The following SIPA1L1 variants were observed in gnomAD, a reference collection of about 807,000 sequenced individuals.
The protein encoded by SIPA1L1 is signal-induced proliferation-associated 1-like protein 1.
A neutral mutation model predicts 162.7 loss-of-function variants in SIPA1L1; 26 were observed. That is an observed-to-expected ratio of 0.16 (90% CI 0.12 to 0.22). The LOEUF (loss-of-function observed/expected upper bound fraction) is 0.22. SIPA1L1 is among the 10% of genes least tolerant of loss of function. The pLI, the probability that SIPA1L1 is intolerant of heterozygous loss-of-function variation, is 1.00. For missense variants in SIPA1L1, 1,874 were observed against 2,241.0 expected, an observed-to-expected ratio of 0.84 and a Z score of 3.31; for synonymous variants, 829 against 837.4, an observed-to-expected ratio of 0.99 and a Z score of 0.17.
chr14:71,651,918 A>G (rs1413169001), intron 8 of SIPA1L1, among the ~76,000 whole-genome samples: 1 of 152,216 alleles, frequency 6.6e-6, no homozygotes, highest in African/African-American at 2.4e-5. Context: ...ATGAGCCTGG[A>G]TTACCAAACA....
chr14:71,338,173 T>C (rs2035290897), intron 2 of SIPA1L1, among the ~76,000 whole-genome samples: 1 of 152,162 alleles, frequency 6.6e-6, no homozygotes, highest in African/African-American at 2.4e-5. Flanking sequence ...TTCTCCCTTC[T>C]CTGACATGTT....
intron 2 of SIPA1L1, among the ~76,000 whole-genome samples, chr14:71,479,337 G>GTATGTATA (rs1165923925): frequency 3.5e-4 from 4 of 11,286 alleles, no homozygotes; most frequent in African/African-American, 1.5e-3. Flanking sequence ...GTGTATGTAG[G>GTATGTATA]TATGTATGTA....
chr14:71,565,969 C>A (rs959207941), intron 4 of SIPA1L1, among the ~76,000 whole-genome samples: 1 of 151,690 alleles, frequency 6.6e-6, no homozygotes, highest in Non-Finnish European at 1.5e-5. Context: ...TAAATTTAGG[C>A]CATGTTAACT....
intron 2 of SIPA1L1, among the ~76,000 whole-genome samples, chr14:71,336,278 C>G (rs2035081277): frequency 1.3e-5 from 2 of 152,164 alleles, no homozygotes; most frequent in South Asian, 4.1e-4. Context: ...CTGCAGCTAT[C>G]TCTATAAACA....
chr14:71,682,547 T>G (rs2045903005), intron 12 of SIPA1L1, among the ~76,000 whole-genome samples: 1 of 152,238 alleles, frequency 6.6e-6, no homozygotes, highest in African/African-American at 2.4e-5. Context: ...ATCTTCTCTC[T>G]GCTCAGACTT....
chr14:71,340,872 G>C (rs1035488262), intron 2 of SIPA1L1, among the ~76,000 whole-genome samples: 7 of 152,222 alleles, frequency 4.6e-5, no homozygotes, highest in Admixed American at 2.0e-4. Flanking sequence ...CCGGGAGGCA[G>C]AGGCTGCAGT....
At chr14:71,700,660 TG>T (rs2082014348) in intron 14 of SIPA1L1, among the ~76,000 whole-genome samples, 1 of 152,124 alleles carries the variant, frequency 6.6e-6, no homozygotes, top group Admixed American at 6.5e-5. Context: ...GGTATGTAAA[TG>T]AAAAGCATTT....
intron 19 of SIPA1L1, 84 bp downstream of exon 19, chr14:71,724,919 A>C: frequency 7.9e-7 from 1 of 1,268,932 alleles, no homozygotes; most frequent in Non-Finnish European, 1.1e-6. Flanking sequence ...ACTTTCCAGA[A>C]AGTGTTGGTT....
At chr14:71,329,100 G>A (rs1343572954) in intron 2 of SIPA1L1, among the ~76,000 whole-genome samples, 5 of 152,134 alleles carry the variant, frequency 3.3e-5, no homozygotes, top group Non-Finnish European at 5.9e-5. Flanking sequence ...GCATGTGACA[G>A]GATTTCTATC....
chr14:71,422,986 A>T (rs1363198481), intron 2 of SIPA1L1, among the ~76,000 whole-genome samples: 1 of 152,144 alleles, frequency 6.6e-6, no homozygotes, highest in Non-Finnish European at 1.5e-5. Context: ...CCTTGCCAAT[A>T]CGTATTTTCT....
chr14:71,475,236 A>G (rs750893284), intron 2 of SIPA1L1, among the ~76,000 whole-genome samples: 1 of 152,256 alleles, frequency 6.6e-6, no homozygotes, highest in South Asian at 2.1e-4. Context: ...GGCTTGAAAT[A>G]TTGTAATAAA....
intron 2 of SIPA1L1, among the ~76,000 whole-genome samples, chr14:71,376,640 A>G (rs1404147355): frequency 6.6e-6 from 1 of 151,742 alleles, no homozygotes; most frequent in Non-Finnish European, 1.5e-5. Context: ...TCATAGGACA[A>G]TAGTGGAGAG....
rs1206381292 is a variant in SIPA1L1 at position 71,624,189 on chromosome 14, A to G, written c.1771A>G (p.Asn591Asp). 8.7e-6 allele frequency: 14 copies of G among 1,614,056 alleles called. No homozygotes were observed. Among genetic ancestry groups the G allele is most frequent in the Non-Finnish European group, 1.2e-5 (14 of 1,179,996 alleles). The change falls in exon 7 of 24, where the codon AAC becomes GAC. Residue 591 changes from asparagine (N) to aspartate (D), a missense_variant. Asn to Asp is a conservative substitution (Grantham distance 23). This residue lies in a region of SIPA1L1 where 685 missense variants were observed against 828.0 expected (regional missense o/e 0.83). Transcript: ENST00000381232. The part of the protein sequence containing the change: ...LNVQCLRLAF[N>D]TPKVTEQLMK... ...TGTCCAGTGCCTGCGGTTGGCCTTC[A>G]ACACACCCAAGGTCACAGAGCAGCT...
chr14:71,514,978 G>A (rs1483419538), intron 3 of SIPA1L1, among the ~76,000 whole-genome samples: 5 of 152,192 alleles, frequency 3.3e-5, no homozygotes, highest in Admixed American at 6.5e-5. Context: ...TGACAGGAGA[G>A]CATGTATGGT....
intron 2 of SIPA1L1, among the ~76,000 whole-genome samples, chr14:71,425,450 C>A (rs1278999606): frequency 6.6e-6 from 1 of 151,912 alleles, no homozygotes; most frequent in African/African-American, 2.4e-5. Flanking sequence ...TCTAATTTCC[C>A]CTGTGATTTC....
chr14:71,452,819 T>C (rs1325584616), intron 2 of SIPA1L1, among the ~76,000 whole-genome samples: 1 of 152,226 alleles, frequency 6.6e-6, no homozygotes, highest in Non-Finnish European at 1.5e-5. Context: ...ACTTCCCCTC[T>C]GGGGAGATCT....
chr14:71,493,119 C>T (rs1045793728), intron 2 of SIPA1L1, among the ~76,000 whole-genome samples: 10 of 152,130 alleles, frequency 6.6e-5, no homozygotes, highest in African/African-American at 2.4e-4. Flanking sequence ...GGGTCTTGCT[C>T]TGTCACCCAG....
chr14:71,655,226 A>G (rs1001337420), intron 8 of SIPA1L1, among the ~76,000 whole-genome samples: 4 of 152,018 alleles, frequency 2.6e-5, no homozygotes, highest in African/African-American at 7.3e-5. Context: ...GCAGTATTTG[A>G]CTTTCTGTTT....
chr14:71,677,056 T>G (rs2045281429), intron 12 of SIPA1L1, among the ~76,000 whole-genome samples: 1 of 152,244 alleles, frequency 6.6e-6, no homozygotes, highest in Admixed American at 6.5e-5. Context: ...CACACTGACT[T>G]CCACAATGGT....
Sources: gnomAD v4.1 joint callset for allele counts (sites outside exome capture counted in the v4.1 genomes callset) on GRCh38, gnomAD v4.1.1 for gene constraint, gnomAD v4.1.1 regional missense constraint, MANE v1.5 for transcripts, NCBI Gene and HGNC (gene_info 2026-07-23, HGNC 2026-07-21) for gene names.